The following RHBDD1 variants were observed in gnomAD, a reference collection of about 807,000 sequenced individuals.
RHBDD1 encodes the protein rhomboid-related protein 4.
In RHBDD1, 38 loss-of-function variants were observed where a neutral mutation model predicts 36.3. The ratio of observed to expected loss-of-function variants is 1.05; its 90% confidence interval spans 0.81 to 1.37. The LOEUF (loss-of-function observed/expected upper bound fraction) is 1.37, where lower values mean the gene tolerates loss of function less well. Ranked by LOEUF, RHBDD1 falls within the 40% of genes most tolerant of loss-of-function variation. The probability of loss-of-function intolerance (pLI) is 0.00; values close to 1 mark genes in which losing one functional copy is unlikely to be tolerated. For missense variants in RHBDD1, 393 were observed against 377.6 expected (o/e 1.04, Z -0.34); for synonymous variants, 151 against 136.5 (o/e 1.11, Z -0.74).
the RHBDD1 span, among the ~76,000 whole-genome samples, chr2:226,816,657 G>A: frequency 1.3e-4 from 20 of 152,114 alleles, no homozygotes; most frequent in African/African-American, 2.9e-4. Flanking sequence ...GCACTTTGGC[G>A]GGCCAAGGTG....
intron 3 of RHBDD1, among the ~76,000 whole-genome samples, chr2:226,859,583 C>T (rs184615545): frequency 6.6e-6 from 1 of 152,214 alleles, no homozygotes; most frequent in East Asian, 1.9e-4. Context: ...TGTGGTGATC[C>T]TGTGGTAGCT....
chr2:226,902,533 A>G (rs1319020985), intron 5 of RHBDD1, among the ~76,000 whole-genome samples: 1 of 152,248 alleles, frequency 6.6e-6, no homozygotes, highest in African/African-American at 2.4e-5. Flanking sequence ...TACCAAGGGC[A>G]TGGAGAAAGT....
chr2:226,949,115 A>G (rs1166659354), intron 8 of RHBDD1, among the ~76,000 whole-genome samples: 3 of 152,222 alleles, frequency 2.0e-5, no homozygotes, highest in African/African-American at 4.8e-5. Context: ...ACCACTGCTC[A>G]AGGAAATAAA....
At chr2:226,983,221 T>G (rs2149460590) in intron 8 of RHBDD1, among the ~76,000 whole-genome samples, 1 of 152,292 alleles carries the variant, frequency 6.6e-6, no homozygotes, top group Non-Finnish European at 1.5e-5. Context: ...GACATTGATC[T>G]GGAATCTTCC....
At chr2:226,923,218 G>T (rs574874598) in intron 8 of RHBDD1, among the ~76,000 whole-genome samples, 1 of 152,242 alleles carries the variant, frequency 6.6e-6, no homozygotes, top group South Asian at 2.1e-4. Context: ...TGGCATTGAT[G>T]AAATCTCTCA....
intron 8 of RHBDD1, among the ~76,000 whole-genome samples, chr2:226,920,371 C>G (rs1949224553): frequency 6.6e-6 from 1 of 151,842 alleles, no homozygotes; most frequent in Non-Finnish European, 1.5e-5. Flanking sequence ...ATTTGTATGC[C>G]CTTTATTTAT....
intron 8 of RHBDD1, among the ~76,000 whole-genome samples, chr2:226,961,008 T>C (rs1040624610): frequency 2.0e-5 from 3 of 152,212 alleles, no homozygotes; most frequent in Non-Finnish European, 4.4e-5. Context: ...ATTAAGAATT[T>C]CATTGCTGTG....
Position 226,999,018 on chromosome 2 carries a change from A to G in RHBDD1, c.*3496A>G, listed in dbSNP as rs1960255626. Reference sequence around the variant, plus strand: ...CCATCTGAATCCTGTAACAGACACAACCACATCTACACAGTTTCCACATAC... The same window carrying G: ...CCATCTGAATCCTGTAACAGACACAGCCACATCTACACAGTTTCCACATAC... On this transcript the variant is annotated 3_prime_UTR_variant, in exon 9 of 9. Coordinates refer to ENST00000392062, the MANE Select transcript of RHBDD1 (RefSeq NM_001167608.3). 6.6e-6 allele frequency: 1 copy of G among 151,066 alleles called. No homozygotes were observed. The highest frequency in any genetic ancestry group is 2.1e-4 in the South Asian group (1 of 4,756). 9.4% of individuals were successfully genotyped at this position (151,066 alleles called of 1,614,324 possible).
At position 226,998,220 on chromosome 2, in the gene RHBDD1, A is replaced by ATTC. The variant is rs1263108906; in HGVS notation, c.*2699_*2701dup. On this transcript the variant is annotated 3_prime_UTR_variant, in exon 9 of 9. Transcript: ENST00000392062. ...AATGACTCTGAATGTATTGCCTGTG[A>ATTC]TTCCAAAGTTGTACATAATTGTTCA... 1 of 152,186 alleles carries ATTC rather than the reference A, an allele frequency of 6.6e-6. No individual in the cohort carries two copies. Among genetic ancestry groups the ATTC allele is most frequent in the Non-Finnish European group, 1.5e-5 (1 of 68,040 alleles). 9.4% of individuals were successfully genotyped at this position (152,186 alleles called of 1,614,324 possible).
chr2:226,832,407 T>C (rs1019454192), upstream of RHBDD1, among the ~76,000 whole-genome samples: 1 of 152,192 alleles, frequency 6.6e-6, no homozygotes, highest in African/African-American at 2.4e-5. Context: ...CATAAGGCTA[T>C]CCTGGAGAGT....
At chr2:226,816,424 A>G in the RHBDD1 span, among the ~76,000 whole-genome samples, 1 of 151,338 alleles carries the variant, frequency 6.6e-6, no homozygotes, top group African/African-American at 2.4e-5. Context: ...GCAATAAATT[A>G]TCAGTTTATT....
chr2:226,945,781 A>G (rs1950951335), intron 8 of RHBDD1, among the ~76,000 whole-genome samples: 2 of 152,180 alleles, frequency 1.3e-5, no homozygotes, highest in Admixed American at 6.5e-5. Context: ...CCAACAGTGT[A>G]AAAGTGTTCC....
intron 8 of RHBDD1, among the ~76,000 whole-genome samples, chr2:226,947,654 T>G (rs1390440902): frequency 3.9e-5 from 6 of 151,910 alleles, no homozygotes; most frequent in Admixed American, 3.3e-4. Context: ...TGGGAGAAAA[T>G]TTTCGCAACC....
intron 3 of RHBDD1, among the ~76,000 whole-genome samples, chr2:226,848,306 T>C (rs1260446067): frequency 6.6e-6 from 1 of 152,214 alleles, no homozygotes; most frequent in Non-Finnish European, 1.5e-5. Context: ...ATATTTGAAA[T>C]GTTTTAAAAA....
At chr2:226,898,350 C>G (rs988474159) in intron 5 of RHBDD1, among the ~76,000 whole-genome samples, 1 of 152,300 alleles carries the variant, frequency 6.6e-6, no homozygotes, top group East Asian at 1.9e-4. Context: ...TTGCAATACC[C>G]TTGTTTTTGT....
chr2:226,990,841 C>T (rs1438321140), intron 8 of RHBDD1, among the ~76,000 whole-genome samples: 1 of 152,138 alleles, frequency 6.6e-6, no homozygotes, highest in Non-Finnish European at 1.5e-5. Flanking sequence ...GGGCTGACCT[C>T]CATTGACAAA....
At chr2:226,891,495 A>C (rs1419080432) in intron 5 of RHBDD1, among the ~76,000 whole-genome samples, 1 of 152,238 alleles carries the variant, frequency 6.6e-6, no homozygotes, top group East Asian at 1.9e-4. Flanking sequence ...GCTCATTGGC[A>C]GAGGGGTTAT....
At chr2:226,844,971 A>G (rs1010287789) in intron 3 of RHBDD1, among the ~76,000 whole-genome samples, 19 of 152,156 alleles carry the variant, frequency 1.2e-4, no homozygotes, top group Admixed American at 6.6e-4. Context: ...TTTATACTAT[A>G]TAACACTTTT....
chr2:226,958,166 G>GT (rs1363129293), intron 8 of RHBDD1, among the ~76,000 whole-genome samples: 1 of 152,186 alleles, frequency 6.6e-6, no homozygotes, highest in Admixed American at 6.5e-5. Flanking sequence ...ATAAAATGTG[G>GT]TATATGCATA....
Sources: gnomAD v4.1 joint callset for allele counts (sites outside exome capture counted in the v4.1 genomes callset) on GRCh38, gnomAD v4.1.1 for gene constraint, MANE v1.5 for transcripts, NCBI Gene and HGNC (gene_info 2026-07-23, HGNC 2026-07-21) for gene names.